Variants in GTF2H3 observed in about 807,000 individuals in gnomAD.
GTF2H3 encodes the protein general transcription factor IIH subunit 3, also known as TFIIH basal transcription factor complex p34 subunit.
GTF2H3 carries 42 observed loss-of-function variants against 51.1 expected under a neutral mutation model. The observed-to-expected ratio is 0.82, with a 90% CI of 0.64 to 1.06. GTF2H3 has a LOEUF of 1.06. Among genes scored for constraint, GTF2H3 ranks in the 50% least tolerant of loss-of-function variants. GTF2H3 has a pLI of 0.00. For missense variants in GTF2H3, 326 were observed against 366.1 expected, an observed-to-expected ratio of 0.89 and a Z score of 0.89; for synonymous variants, 123 against 123.8, an observed-to-expected ratio of 0.99 and a Z score of 0.04.
chr12:123,643,455 A>G (rs1955406337), intron 2 of GTF2H3, among the ~76,000 whole-genome samples: 1 of 152,208 alleles, frequency 6.6e-6, no homozygotes, highest in Admixed American at 6.5e-5. Flanking sequence ...GTTTGCACTC[A>G]TCAGTGCTGT....
chr12:123,651,577 T>C (rs1955521077), intron 5 of GTF2H3, among the ~76,000 whole-genome samples: 1 of 151,442 alleles, frequency 6.6e-6, no homozygotes, highest in Admixed American at 6.6e-5. Flanking sequence ...CCCAGCACTT[T>C]GGGAGGCCGA....
rs971746621 is a variant in GTF2H3 at position 123,645,396 on chromosome 12, C to T, written c.94-59C>T. 8.7e-6 allele frequency: 8 copies of T among 915,540 alleles called. No individual in the cohort carries two copies. The African/African-American group carries it at 1.1e-4, about 13-fold the overall frequency. The allele number at this position is 915,540 out of a possible 1,614,324, so 56.7% of individuals were successfully genotyped here. ...AAACGACATCTTAATTATGTCAAGA[C>T]CTGACATGGTTATTTGGATAGCTAA... On this transcript the variant is annotated intron_variant, in intron 2 of 12. Transcript: ENST00000543341.
intron 7 of GTF2H3, among the ~76,000 whole-genome samples, chr12:123,653,354 T>C (rs1005019593): frequency 2.1e-5 from 3 of 145,804 alleles, no homozygotes; most frequent in African/African-American, 7.6e-5. Flanking sequence ...CCTGGCAGGG[T>C]GGGGAGATTT....
At chr12:123,646,805 G>GT (rs34544204) in intron 3 of GTF2H3, among the ~76,000 whole-genome samples, 42,649 of 138,332 alleles carry the variant, frequency 0.31, 6,839 homozygotes, top group Non-Finnish European at 0.39. Flanking sequence ...ACCTGTCAAA[G>GT]TTTTTTTTTT....
chr12:123,659,244 G>A (rs1033215149), intron 9 of GTF2H3: 3 of 395,810 alleles, frequency 7.6e-6, no homozygotes, highest in Non-Finnish European at 1.4e-5. Context: ...GCGCATGCCT[G>A]TAATCCCAGT....
intron 1 of GTF2H3, among the ~76,000 whole-genome samples, chr12:123,634,491 G>A (rs1955244954): frequency 6.6e-6 from 1 of 152,220 alleles, no homozygotes; most frequent in Admixed American, 6.5e-5. Context: ...GAGCTATGAA[G>A]ATGATGTAAC....
chr12:123,635,933 G>A (rs939777924), intron 1 of GTF2H3, among the ~76,000 whole-genome samples: 2 of 152,214 alleles, frequency 1.3e-5, no homozygotes, highest in Non-Finnish European at 2.9e-5. Flanking sequence ...AAGCAGATCT[G>A]TCTTTAGAAC....
rs189164993 is a variant in GTF2H3 at position 123,656,761 on chromosome 12, A to T, written c.615+937A>T. Reference sequence around the variant, plus strand: ...TGTCTCTTCTCTTCCCTCCTTTCATAACCATGAGCAAATCCTGTTGATTCT... The same window carrying T: ...TGTCTCTTCTCTTCCCTCCTTTCATTACCATGAGCAAATCCTGTTGATTCT... On this transcript the variant is annotated intron_variant, in intron 9 of 12. Coordinates refer to ENST00000543341, the MANE Select transcript of GTF2H3 (RefSeq NM_001516.5). Among the ~76,000 whole-genome samples, 140 of 152,212 alleles carry T rather than the reference A, an allele frequency of 9.2e-4. 1 individual carries two copies. The highest frequency in any genetic ancestry group is 3.2e-3 in the African/African-American group (133 of 41,526).
intron 3 of GTF2H3, among the ~76,000 whole-genome samples, chr12:123,647,160 A>G (rs2135787682): frequency 6.7e-6 from 1 of 149,880 alleles, no homozygotes; most frequent in East Asian, 2.0e-4. Context: ...CTCAAAAAAA[A>G]AAAAAAAAAA....
In GTF2H3 at chr12:123,652,787, A is replaced by G. The variant is rs1017718745; in HGVS notation, c.486+52A>G. On this transcript the variant is annotated intron_variant, in intron 7 of 12. Coordinates refer to ENST00000543341, the MANE Select transcript of GTF2H3 (RefSeq NM_001516.5). Reference sequence around the variant, plus strand: ...TATATGACAACTATAATTAGAAAACATAACGGGAGACCAGGTGTGGTGGCT... The same window carrying G: ...TATATGACAACTATAATTAGAAAACGTAACGGGAGACCAGGTGTGGTGGCT... 3.5e-6 allele frequency: 5 copies of G among 1,419,184 alleles called. No homozygotes were observed. In the African/African-American group the frequency reaches 4.4e-5, roughly 12 times the overall value. 87.9% of individuals were successfully genotyped at this position (1,419,184 alleles called of 1,614,324 possible).
intron 8 of GTF2H3, chr12:123,655,516 T>C (rs980263664): frequency 2.3e-5 from 10 of 430,980 alleles, no homozygotes; most frequent in African/African-American, 2.0e-4. Context: ...AGTGGCAGCA[T>C]GATGTAGTGA....
In GTF2H3 at chr12:123,655,393, G is replaced by A. The variant is rs1955573934; in HGVS notation, c.562-378G>A. On this transcript the variant is annotated intron_variant, in intron 8 of 12. Coordinates refer to ENST00000543341, the MANE Select transcript of GTF2H3 (RefSeq NM_001516.5). ...TTGCAAAGAGCTGAAATGTTCAGAT[G>A]AAGTATAATACATTTTCTTCTTTGG... 9.5e-6 allele frequency: 3 copies of A among 314,636 alleles called. No homozygotes were observed. The East Asian group carries it at 1.8e-4, about 19-fold the overall frequency. The allele number at this position is 314,636 out of a possible 1,614,324, so 19.5% of individuals were successfully genotyped here. A position where few individuals can be genotyped will look rare whatever the true frequency, so the allele number is the denominator to read the frequency against.
At chr12:123,657,024 C>T (rs1415007465) in intron 9 of GTF2H3, among the ~76,000 whole-genome samples, 1 of 152,102 alleles carries the variant, frequency 6.6e-6, no homozygotes, top group Non-Finnish European at 1.5e-5. Context: ...GAGTTCGAAG[C>T]TGCAGTCAGC....
chr12:123,646,960 G>C (rs983607269), intron 3 of GTF2H3, among the ~76,000 whole-genome samples: 1 of 151,506 alleles, frequency 6.6e-6, no homozygotes, highest in African/African-American at 2.4e-5. Context: ...GACCATCCTG[G>C]CTAACATGGT....
intron 1 of GTF2H3, 146 bp downstream of exon 1, chr12:123,634,018 A>G (rs1287748037): frequency 2.4e-6 from 2 of 838,280 alleles, no homozygotes; most frequent in Non-Finnish European, 3.9e-6. Flanking sequence ...TCATTCATTC[A>G]GTAAATAGTT....
intron 9 of GTF2H3, among the ~76,000 whole-genome samples, chr12:123,657,173 CTT>C (rs113646322): frequency 6.9e-5 from 10 of 145,182 alleles, no homozygotes; most frequent in African/African-American, 1.5e-4. Context: ...TGGTTTTTGC[CTT>C]TTTTTTTTTT....
chr12:123,652,970 T>G (rs1428835241), intron 7 of GTF2H3, among the ~76,000 whole-genome samples: 1 of 151,890 alleles, frequency 6.6e-6, no homozygotes, highest in Non-Finnish European at 1.5e-5. Context: ...CCCAGCTACT[T>G]GGGATCCCGA....
At chr12:123,657,824 G>A (rs1388075969) in intron 9 of GTF2H3, among the ~76,000 whole-genome samples, 3 of 152,172 alleles carry the variant, frequency 2.0e-5, no homozygotes, top group Non-Finnish European at 4.4e-5. Flanking sequence ...GAGCCTCAGG[G>A]TCCTAGGATC....
rs545866612 is a variant in GTF2H3 at position 123,661,905 on chromosome 12, G to A, written c.*1670G>A. The A allele has an allele frequency of 4.6e-5, 7 of 151,892 alleles. No homozygotes were observed. Among genetic ancestry groups the A allele is most frequent in the African/African-American group, 1.7e-4 (7 of 41,438 alleles). The allele number at this position is 151,892 out of a possible 1,614,324, so 9.4% of individuals were successfully genotyped here. ...GATTACTACTCTACTGAACCCATGA[G>A]GCAGAAATTTGAGACCATCCTGCCC... On this transcript the variant is annotated 3_prime_UTR_variant, in exon 13 of 13. Transcript: ENST00000543341.
Sources: gnomAD v4.1 joint callset for allele counts (sites outside exome capture counted in the v4.1 genomes callset) on GRCh38, gnomAD v4.1.1 for gene constraint, MANE v1.5 for transcripts, NCBI Gene and HGNC (gene_info 2026-07-23, HGNC 2026-07-21) for gene names.